The following VPS13A variants were observed in gnomAD, a reference collection of about 807,000 sequenced individuals.
The protein encoded by VPS13A is vacuolar protein sorting 13 homolog A, also known as intermembrane lipid transfer protein VPS13A.
A neutral mutation model predicts 390.9 loss-of-function variants in VPS13A; 264 were observed. The observed-to-expected ratio is 0.68, with a 90% confidence interval of 0.61 to 0.75. VPS13A has a LOEUF of 0.75. Ranked by LOEUF, VPS13A falls within the 30% of genes least tolerant of loss-of-function variation. The pLI, the probability that VPS13A is intolerant of heterozygous loss-of-function variation, is 0.00. For missense variants in VPS13A, 3,409 were observed against 3,733.9 expected (o/e 0.91, Z 2.27); for synonymous variants, 1,231 against 1,227.1 (o/e 1.00, Z -0.07).
chr9:77,196,608 C>T (rs1245178800), intron 1 of VPS13A, among the ~76,000 whole-genome samples: 3 of 151,920 alleles, frequency 2.0e-5, no homozygotes, highest in Admixed American at 6.6e-5. Flanking sequence ...GGCTTATTTC[C>T]CTTAGCATTA....
chr9:77,382,399 A>C, intron 68 of VPS13A: 9 of 1,456,484 alleles, frequency 6.2e-6, no homozygotes, highest in Non-Finnish European at 8.1e-6. Flanking sequence ...AATACAAAGA[A>C]AACCTTTTGT....
At chr9:77,194,362 G>GGT (rs1554856723) in intron 1 of VPS13A, among the ~76,000 whole-genome samples, 2 of 93,430 alleles carry the variant, frequency 2.1e-5, no homozygotes, top group African/African-American at 9.5e-5. Flanking sequence ...GATGGGGGTT[G>GGT]GGGGGGGCGC....
intron 5 of VPS13A, among the ~76,000 whole-genome samples, chr9:77,207,157 G>T (rs1416580021): frequency 2.3e-5 from 3 of 129,608 alleles, no homozygotes; most frequent in African/African-American, 8.4e-5. Flanking sequence ...GCCCAGGCCC[G>T]CACCTATATT....
chr9:77,282,556 C>T (rs927417511), intron 29 of VPS13A, among the ~76,000 whole-genome samples: 1 of 151,934 alleles, frequency 6.6e-6, no homozygotes, highest in African/African-American at 2.4e-5. Context: ...TCTTCCACCT[C>T]CCAGTAGGAG....
At chr9:77,186,688 G>A (rs967327280) in intron 1 of VPS13A, among the ~76,000 whole-genome samples, 2 of 151,972 alleles carry the variant, frequency 1.3e-5, no homozygotes, top group Non-Finnish European at 2.9e-5. Context: ...TGCCCGCCTC[G>A]GCCTCCCAAA....
At chr9:77,366,287 AT>A (rs1832425674) in intron 60 of VPS13A, among the ~76,000 whole-genome samples, 2 of 152,092 alleles carry the variant, frequency 1.3e-5, no homozygotes, top group South Asian at 4.1e-4. Flanking sequence ...ATTATAAAGA[AT>A]TTTGAATCAA....
At chr9:77,394,862 C>G (rs981354406) in intron 68 of VPS13A, among the ~76,000 whole-genome samples, 8 of 152,328 alleles carry the variant, frequency 5.3e-5, no homozygotes, top group Middle Eastern at 3.4e-3. Context: ...ACCTTTTCTT[C>G]TGCAGCTTCC....
chr9:77,409,648 G>A (rs938973545), intron 71 of VPS13A, among the ~76,000 whole-genome samples: 8 of 151,324 alleles, frequency 5.3e-5, no homozygotes, highest in Admixed American at 1.3e-4. Context: ...ACTAAGTGAC[G>A]AATGCACAAG....
In VPS13A at chr9:77,314,123, A is replaced by C. The variant is rs1829246685; in HGVS notation, c.4242+4A>C. On this transcript the variant is annotated splice_donor_region_variant and intron_variant, in intron 36 of 71. Transcript: ENST00000360280. ...GTATAGTCCAGGTCCTAAACAGGTA[A>C]GTCCAGGAAGAAAAGAAAATGTATT... The C allele has an allele frequency of 6.2e-7, 1 of 1,612,778 alleles. No individual in the cohort carries two copies. The highest frequency in any genetic ancestry group is 8.5e-7 in the Non-Finnish European group (1 of 1,179,294).
At chr9:77,220,675 T>G (rs1317052070) in intron 12 of VPS13A, among the ~76,000 whole-genome samples, 1 of 152,098 alleles carries the variant, frequency 6.6e-6, no homozygotes, top group Non-Finnish European at 1.5e-5. Flanking sequence ...AATCCTGGTT[T>G]GTTTTCTTGC....
chr9:77,180,043 T>C (rs1261844496), intron 1 of VPS13A, among the ~76,000 whole-genome samples: 1 of 152,222 alleles, frequency 6.6e-6, no homozygotes, highest in African/African-American at 2.4e-5. Flanking sequence ...GACTATTTCA[T>C]TTGCTCTTAG....
chr9:77,188,649 G>A (rs1824489897), intron 1 of VPS13A, among the ~76,000 whole-genome samples: 1 of 152,176 alleles, frequency 6.6e-6, no homozygotes, highest in Non-Finnish European at 1.5e-5. Flanking sequence ...GGGATTGCTG[G>A]TTCTAATGGT....
chr9:77,177,655 G>A lies in VPS13A; in HGVS notation c.-50G>A. 6.4e-7 allele frequency: 1 copy of A among 1,551,502 alleles called. No homozygotes were observed. Among genetic ancestry groups the A allele is most frequent in the Non-Finnish European group, 8.9e-7 (1 of 1,128,710 alleles). ...GAGGGAGGGGCGTGGGGAAGGCGGCGGGAGGAGGAGCGCACGGGCCGGCTG... is the reference window on the plus strand; with the variant it reads ...GAGGGAGGGGCGTGGGGAAGGCGGCAGGAGGAGGAGCGCACGGGCCGGCTG... On this transcript the variant is annotated 5_prime_UTR_variant, in exon 1 of 72. Coordinates refer to ENST00000360280, the MANE Select transcript of VPS13A (RefSeq NM_033305.3).
Position 77,331,935 on chromosome 9 carries a change from A to G in VPS13A, c.5992-75A>G, listed in dbSNP as rs368694154. On this transcript the variant is annotated intron_variant, in intron 45 of 71. Coordinates refer to ENST00000360280, the MANE Select transcript of VPS13A (RefSeq NM_033305.3). ...ATAGTTCCTTTGTTAAGATAGTTAC[A>G]TGGACATATTTTTTTTACACATCTT... 22 of 970,810 alleles carry G rather than the reference A, an allele frequency of 2.3e-5. No individual in the cohort carries two copies. In the East Asian group the frequency reaches 3.9e-4, roughly 17 times the overall value. The allele number at this position is 970,810 out of a possible 1,614,324, so 60.1% of individuals were successfully genotyped here.
At chr9:77,363,920 C>T (rs1026710520) in intron 59 of VPS13A, among the ~76,000 whole-genome samples, 1 of 152,198 alleles carries the variant, frequency 6.6e-6, no homozygotes, top group Admixed American at 6.5e-5. Context: ...ACAGTTGTGA[C>T]ACCCTTCTAT....
At chr9:77,196,546 A>G (rs142888664) in intron 1 of VPS13A, among the ~76,000 whole-genome samples, 2 of 152,058 alleles carry the variant, frequency 1.3e-5, no homozygotes, top group African/African-American at 4.8e-5. Flanking sequence ...TGAGATGTCA[A>G]CTTTTTTAGA....
chr9:77,326,159 C>G (rs1428591215), intron 45 of VPS13A, among the ~76,000 whole-genome samples: 6 of 152,010 alleles, frequency 3.9e-5, no homozygotes, highest in Non-Finnish European at 7.4e-5. Flanking sequence ...ATGTGTCAAT[C>G]TTTTCTTCAG....
chr9:77,334,242 T>G (rs539770485), intron 46 of VPS13A, among the ~76,000 whole-genome samples: 3 of 152,292 alleles, frequency 2.0e-5, no homozygotes, highest in Admixed American at 2.0e-4. Context: ...GAAAGATAAG[T>G]TCACAGTTAG....
intron 19 of VPS13A, among the ~76,000 whole-genome samples, chr9:77,242,945 A>G (rs563327316): frequency 4.3e-4 from 66 of 152,178 alleles, no homozygotes; most frequent in African/African-American, 1.6e-3. Flanking sequence ...AATAGTATAA[A>G]AATGCTAATT....
Sources: gnomAD v4.1 joint callset for allele counts (sites outside exome capture counted in the v4.1 genomes callset) on GRCh38, gnomAD v4.1.1 for gene constraint, MANE v1.5 for transcripts, NCBI Gene and HGNC (gene_info 2026-07-23, HGNC 2026-07-21) for gene names.